RAP1GAP2: variants seen among roughly 807,000 people sequenced by gnomAD.
RAP1GAP2 encodes rap1 GTPase-activating protein 2.
RAP1GAP2 carries 27 observed loss-of-function variants against 95.0 expected under a neutral mutation model. The ratio of observed to expected loss-of-function variants is 0.28; its 90% CI spans 0.21 to 0.39. The LOEUF is 0.39. Among genes scored for constraint, RAP1GAP2 ranks in the 10% least tolerant of loss-of-function variants. The probability of loss-of-function intolerance (pLI) is 1.00; values close to 1 mark genes in which losing one functional copy is unlikely to be tolerated. For missense variants in RAP1GAP2, 771 were observed against 970.0 expected, an observed-to-expected ratio of 0.79 and a Z score of 2.72; for synonymous variants, 373 against 380.9, an observed-to-expected ratio of 0.98 and a Z score of 0.24.
chr17:2,765,411 A>G (rs1171188462), intron 1 of RAP1GAP2, among the ~76,000 whole-genome samples: 5 of 152,056 alleles, frequency 3.3e-5, no homozygotes, highest in Non-Finnish European at 7.4e-5. Flanking sequence ...GCTTGAGCCC[A>G]GGAGACCAGC....
intron 4 of RAP1GAP2, chr17:2,962,233 C>A: frequency 5.6e-6 from 1 of 179,550 alleles, no homozygotes; most frequent in Non-Finnish European, 1.2e-5. Flanking sequence ...ATGATAATAC[C>A]GCCTCCTTCA....
chr17:3,000,148 C>T (rs2046104091), intron 14 of RAP1GAP2, among the ~76,000 whole-genome samples: 1 of 152,170 alleles, frequency 6.6e-6, no homozygotes, highest in African/African-American at 2.4e-5. Flanking sequence ...GGGGTTTCTC[C>T]ATGTTGGCCA....
intron 2 of RAP1GAP2, among the ~76,000 whole-genome samples, chr17:2,901,640 A>C (rs996581871): frequency 2.0e-5 from 3 of 152,162 alleles, no homozygotes; most frequent in Admixed American, 6.6e-5. Context: ...CCCTTGATAT[A>C]ATCACATCAC....
chr17:2,934,809 G>A (rs1345327302), intron 3 of RAP1GAP2, among the ~76,000 whole-genome samples: 2 of 152,198 alleles, frequency 1.3e-5, no homozygotes, highest in African/African-American at 2.4e-5. Flanking sequence ...GACGAAATCT[G>A]GTGCGTGCAC....
intron 4 of RAP1GAP2, among the ~76,000 whole-genome samples, chr17:2,959,438 G>T (rs1421182050): frequency 6.6e-6 from 1 of 152,172 alleles, no homozygotes; most frequent in Non-Finnish European, 1.5e-5. Context: ...ATTTCTGGGT[G>T]TTTAAGTCCC....
intron 14 of RAP1GAP2, among the ~76,000 whole-genome samples, chr17:2,999,160 G>C (rs1390491194): frequency 6.6e-6 from 1 of 152,194 alleles, no homozygotes; most frequent in African/African-American, 2.4e-5. Flanking sequence ...AGACAGGGCA[G>C]CTCATTGCCC....
chr17:2,767,585 C>T (rs1315051844), intron 1 of RAP1GAP2, among the ~76,000 whole-genome samples: 2 of 140,042 alleles, frequency 1.4e-5, no homozygotes, highest in African/African-American at 2.8e-5. Context: ...TTTTTAATGT[C>T]AATCACGCAT....
intron 2 of RAP1GAP2, among the ~76,000 whole-genome samples, chr17:2,897,959 C>T (rs2041895353): frequency 6.7e-6 from 1 of 148,968 alleles, no homozygotes. Flanking sequence ...CTCGCTCTGT[C>T]CCCCAGGCTG....
chr17:2,958,940 G>A (rs185070989), intron 4 of RAP1GAP2, among the ~76,000 whole-genome samples: 4 of 152,200 alleles, frequency 2.6e-5, no homozygotes, highest in Admixed American at 2.0e-4. Context: ...GCCCAGCAGC[G>A]TGTAGATGAC....
In RAP1GAP2 at chr17:3,004,333, C is replaced by T. The variant is rs767442526; in HGVS notation, c.1201-1036C>T. On this transcript the variant is annotated intron_variant, in intron 14 of 24. Coordinates refer to ENST00000254695, the MANE Select transcript of RAP1GAP2 (RefSeq NM_015085.5). The surrounding 1 kb of genome is among the most constrained non-coding windows in gnomAD (Gnocchi z 4.1). ...GCTCTCTCCCGCTCCGTTTCCCCTC[C>T]GGACTCTGGCAGGGCCTTTCCTTGG... Among the ~76,000 whole-genome samples, 5 of 152,254 alleles carry T rather than the reference C, an allele frequency of 3.3e-5. No individual in the cohort carries two copies. The highest frequency in any genetic ancestry group is 7.2e-5 in the African/African-American group (3 of 41,472).
chr17:2,778,344 T>A (rs9896618), intron 1 of RAP1GAP2, among the ~76,000 whole-genome samples: 9 of 151,300 alleles, frequency 5.9e-5, no homozygotes, highest in Non-Finnish European at 7.4e-5. Flanking sequence ...TACAGCAGCC[T>A]CTCTTGGTTC....
rs721666 is a variant in RAP1GAP2, at chr17:2,966,930, G to T, written c.596+1287G>T. 2.1e-3 allele frequency among the ~76,000 whole-genome samples: 320 copies of T among 152,282 alleles called. 1 individual carries two copies. The highest frequency in any genetic ancestry group is 7.2e-3 in the African/African-American group (301 of 41,554). ...ATCCTCCATTAGGACTGGAAATGCT[G>T]CTTCGGGGCTGAAAGCTAAGAAAAA... On this transcript the variant is annotated intron_variant, in intron 8 of 24. Transcript: ENST00000254695.
intron 18 of RAP1GAP2, among the ~76,000 whole-genome samples, chr17:3,020,005 C>T (rs898688527): frequency 2.6e-5 from 4 of 152,222 alleles, no homozygotes; most frequent in Admixed American, 2.6e-4. Flanking sequence ...TATTGGAACG[C>T]CTGCGCGGCT....
chr17:2,983,740 T>G (rs1419255151), intron 10 of RAP1GAP2, among the ~76,000 whole-genome samples: 2 of 152,212 alleles, frequency 1.3e-5, no homozygotes, highest in African/African-American at 4.8e-5. Context: ...TCAGTTTTCT[T>G]GTCTTTTTAT....
chr17:2,833,230 C>T (rs564463806), intron 2 of RAP1GAP2, among the ~76,000 whole-genome samples: 1 of 150,360 alleles, frequency 6.7e-6, no homozygotes, highest in Admixed American at 6.7e-5. Context: ...GCAACCTCTG[C>T]CTCCTGGGTT....
At chr17:2,961,952 A>G (rs1041255656) in intron 4 of RAP1GAP2, among the ~76,000 whole-genome samples, 3 of 147,766 alleles carry the variant, frequency 2.0e-5, no homozygotes, top group Non-Finnish European at 4.4e-5. Context: ...GCCCAGGCTG[A>G]AGTGCAATGG....
rs2047457637 is a variant in RAP1GAP2, at chr17:3,036,032, TA to T, written c.*2672del. On this transcript the variant is annotated 3_prime_UTR_variant, in exon 25 of 25. Coordinates refer to ENST00000254695, the MANE Select transcript of RAP1GAP2 (RefSeq NM_015085.5). The stretch of plus-strand genomic sequence containing the variant: ...GAACTGCCTGACTCACTGAAGAAAC[TA>T]CTTTTCAGGCACTGTAGGGTCACCC... 6.6e-6 allele frequency: 1 copy of T among 152,220 alleles called. No homozygotes were observed. 9.4% of individuals were successfully genotyped at this position (152,220 alleles called of 1,614,324 possible).
chr17:2,758,359 A>G (rs2071188073), intron 1 of RAP1GAP2, among the ~76,000 whole-genome samples: 1 of 151,530 alleles, frequency 6.6e-6, no homozygotes, highest in African/African-American at 2.4e-5. Flanking sequence ...CTATTTTAGT[A>G]GAGAGAGGGT....
At chr17:2,915,933 C>T (rs935840666) in intron 3 of RAP1GAP2, among the ~76,000 whole-genome samples, 6 of 152,096 alleles carry the variant, frequency 3.9e-5, no homozygotes, top group Non-Finnish European at 7.4e-5. Flanking sequence ...CTCCTGATCT[C>T]GTGATCCGCC....
Sources: allele counts gnomAD v4.1 joint callset (sites outside exome capture counted in the v4.1 genomes callset), GRCh38; gene constraint gnomAD v4.1.1; non-coding constraint Gnocchi (gnomAD v3.1); transcripts MANE v1.5; gene names NCBI Gene and HGNC (gene_info 2026-07-23, HGNC 2026-07-21).